Variants in RHPN2 observed in about 807,000 individuals in gnomAD.
RHPN2 encodes the protein rhophilin Rho GTPase binding protein 2, also known as rhophilin-2.
A neutral mutation model predicts 79.0 loss-of-function variants in RHPN2; 40 were observed. The ratio of observed to expected loss-of-function variants is 0.51; its 90% CI spans 0.39 to 0.66. RHPN2 has a LOEUF of 0.66. RHPN2 is among the 30% of genes least tolerant of loss of function. The pLI, the probability that RHPN2 is intolerant of heterozygous loss-of-function variation, is 0.00. For synonymous variants in RHPN2, 285 were observed against 363.5 expected (o/e 0.78, Z 2.46); for missense variants, 686 against 883.5 (o/e 0.78, Z 2.83).
chr19:32,999,166 G>A (rs1971728531), intron 10 of RHPN2, among the ~76,000 whole-genome samples: 1 of 152,044 alleles, frequency 6.6e-6, no homozygotes, highest in Non-Finnish European at 1.5e-5. Context: ...TTAGGGTGGT[G>A]GAGGTGAGGT....
At chr19:33,002,195 G>C in intron 9 of RHPN2, 52 bp downstream of exon 9, 1 of 1,592,236 alleles carries the variant, frequency 6.3e-7, no homozygotes, top group East Asian at 2.3e-5. Context: ...AATCGCCCCT[G>C]GGGCAGCTGG....
At chr19:33,013,544 A>T (rs9304842) in intron 4 of RHPN2, among the ~76,000 whole-genome samples, 122,005 of 152,078 alleles carry the variant, frequency 0.8, 49,773 homozygotes, top group African/African-American at 0.95. Context: ...GAGTTGAAGT[A>T]AATTTTTTGC....
intron 3 of RHPN2, among the ~76,000 whole-genome samples, chr19:33,022,984 T>A (rs2145247236): frequency 1.3e-5 from 2 of 152,186 alleles, no homozygotes; most frequent in South Asian, 4.1e-4. Flanking sequence ...AGCTCCAGGG[T>A]ACCCCAGCCC....
chr19:33,031,018 T>C (rs1360163867), intron 2 of RHPN2, among the ~76,000 whole-genome samples: 3 of 152,032 alleles, frequency 2.0e-5, no homozygotes, highest in Non-Finnish European at 4.4e-5. Flanking sequence ...TCCCAGAACA[T>C]AGGAAAGCAC....
At chr19:33,042,956 G>A (rs1972112264) in intron 2 of RHPN2, among the ~76,000 whole-genome samples, 1 of 152,054 alleles carries the variant, frequency 6.6e-6, no homozygotes, top group East Asian at 1.9e-4. Flanking sequence ...GCGGGCACCT[G>A]TAATCCCAGC....
chr19:33,040,455 G>T (rs1972091914), intron 2 of RHPN2, among the ~76,000 whole-genome samples: 1 of 151,750 alleles, frequency 6.6e-6, no homozygotes, highest in East Asian at 1.9e-4. Context: ...GGCCAGGATG[G>T]TCTCGATCTC....
At chr19:32,999,930 C>G (rs377187976) in intron 9 of RHPN2, among the ~76,000 whole-genome samples, 1 of 152,128 alleles carries the variant, frequency 6.6e-6, no homozygotes, top group Non-Finnish European at 1.5e-5. Context: ...AGTGCAATGG[C>G]ACAATCATAG....
At chr19:33,048,246 G>A (rs946321576) in intron 1 of RHPN2, among the ~76,000 whole-genome samples, 2 of 151,718 alleles carry the variant, frequency 1.3e-5, no homozygotes, top group Non-Finnish European at 1.5e-5. Flanking sequence ...AGTAGAGATG[G>A]GGTTTCACCG....
At chr19:33,046,347 CCT>C (rs1972142703) in intron 1 of RHPN2, among the ~76,000 whole-genome samples, 1 of 152,022 alleles carries the variant, frequency 6.6e-6, no homozygotes, top group African/African-American at 2.4e-5. Flanking sequence ...CTCATTGCAA[CCT>C]CTGTCTCCCA....
intron 11 of RHPN2, among the ~76,000 whole-genome samples, chr19:32,994,641 T>C (rs1449048628): frequency 6.6e-6 from 1 of 151,902 alleles, no homozygotes; most frequent in African/African-American, 2.4e-5. Flanking sequence ...TTAAGGGGCT[T>C]AGTGGGCTTC....
chr19:33,043,874 T>C lies in RHPN2; in HGVS notation c.185+375A>G, dbSNP rs575559207. On this transcript the variant is annotated intron_variant, in intron 2 of 14. Coordinates refer to ENST00000254260, the MANE Select transcript of RHPN2 (RefSeq NM_033103.5). ...CCTTTCTGCTTTTCTTTCCTTTATA[T>C]ATTCAATAAACATTTACCAAGCAAA... is the stretch of plus-strand genomic sequence containing the variant. 2.0e-5 allele frequency among the ~76,000 whole-genome samples: 3 copies of C among 152,214 alleles called. No individual in the cohort carries two copies. The South Asian group carries it at 6.2e-4, about 32-fold the overall frequency.
chr19:32,993,943 T>TA, intron 12 of RHPN2, 34 bp downstream of exon 12: 1 of 1,507,474 alleles, frequency 6.6e-7, no homozygotes, highest in Non-Finnish European at 9.2e-7. Context: ...GCTGTCCCCT[T>TA]AGGTCATTTG....
intron 3 of RHPN2, among the ~76,000 whole-genome samples, chr19:33,026,179 C>T (rs988640376): frequency 5.9e-5 from 9 of 151,694 alleles, no homozygotes; most frequent in Non-Finnish European, 7.4e-5. Flanking sequence ...TTAGCAGAGA[C>T]GGGGTTTCAC....
rs545378309 is a variant in RHPN2, at chr19:32,991,723, C to A, written c.1644+100G>T. Reference sequence around the variant, plus strand: ...TTAGGGAATGTAGCACCCATGAGGCCCTTCACATCAAGTCAGGCCTTTGAC... The same window carrying A: ...TTAGGGAATGTAGCACCCATGAGGCACTTCACATCAAGTCAGGCCTTTGAC... On this transcript the variant is annotated intron_variant, in intron 13 of 14. Coordinates refer to ENST00000254260, the MANE Select transcript of RHPN2 (RefSeq NM_033103.5). 9.6e-5 allele frequency: 129 copies of A among 1,343,342 alleles called. 2 individuals carry two copies. The South Asian group carries it at 1.4e-3, about 15-fold the overall frequency. The allele number at this position is 1,343,342 out of a possible 1,614,324, so 83.2% of individuals were successfully genotyped here.
At chr19:32,991,465 C>CA in intron 13 of RHPN2, 1 of 304,630 alleles carries the variant, frequency 3.3e-6, no homozygotes, top group Non-Finnish European at 6.3e-6. Context: ...TCTCAAAAAA[C>CA]AAAAACAAAA....
At chr19:33,021,728 A>G (rs1261600727) in intron 3 of RHPN2, 82 bp from the exon 4 acceptor site, 4 of 826,426 alleles carry the variant, frequency 4.8e-6, no homozygotes, top group Non-Finnish European at 5.5e-6. Flanking sequence ...CAGCAGCCCA[A>G]GCTCAGGTGT....
intron 10 of RHPN2, among the ~76,000 whole-genome samples, chr19:32,997,032 A>G (rs1971707879): frequency 6.6e-6 from 1 of 152,090 alleles, no homozygotes; most frequent in Non-Finnish European, 1.5e-5. Flanking sequence ...AGCAGCTGGG[A>G]CCACAGGCAT....
At chr19:33,052,974 AC>A (rs892513505) in intron 1 of RHPN2, among the ~76,000 whole-genome samples, 1 of 143,360 alleles carries the variant, frequency 7.0e-6, no homozygotes, top group Non-Finnish European at 1.5e-5. Flanking sequence ...ATGCTGAATA[AC>A]TTTTTTTTTT....
chr19:33,024,305 C>T (rs574474885), intron 3 of RHPN2, among the ~76,000 whole-genome samples: 3 of 151,974 alleles, frequency 2.0e-5, no homozygotes, highest in East Asian at 1.9e-4. Context: ...TGGTGGCATG[C>T]GCCTGTAGTC....
Sources: gnomAD v4.1 joint callset for allele counts (sites outside exome capture counted in the v4.1 genomes callset) on GRCh38, gnomAD v4.1.1 for gene constraint, MANE v1.5 for transcripts, NCBI Gene and HGNC (gene_info 2026-07-23, HGNC 2026-07-21) for gene names.